PRDM10: variants seen among roughly 807,000 people sequenced by gnomAD.
The protein encoded by PRDM10 is PR domain zinc finger protein 10.
In PRDM10, 65 loss-of-function variants were observed where a neutral mutation model predicts 133.1. The observed-to-expected ratio is 0.49, with a 90% confidence interval of 0.40 to 0.60. The LOEUF (loss-of-function observed/expected upper bound fraction) is 0.60. Among genes scored for constraint, PRDM10 ranks in the 20% least tolerant of loss-of-function variants. PRDM10 has a pLI of 0.00. For missense variants in PRDM10, 1,137 were observed against 1,507.1 expected (o/e 0.75, Z 4.07); for synonymous variants, 582 against 580.4 (o/e 1.00, Z -0.04).
In PRDM10 at chr11:129,960,592, T is replaced by A. The variant is rs1951777661; in HGVS notation, c.69+304A>T. On this transcript the variant is annotated intron_variant, in intron 2 of 20. Coordinates refer to ENST00000360871, the MANE Select transcript of PRDM10 (RefSeq NM_199437.2). ...TATGGATAACGTAAAAGAAACAAAC[T>A]ATAGTTTGAGGTTTTCAGCAGCAAT... Among the ~76,000 whole-genome samples, 3 of 152,238 alleles carry A rather than the reference T, an allele frequency of 2.0e-5. No homozygotes were observed. In the South Asian group the frequency reaches 6.2e-4, roughly 32 times the overall value.
At chr11:129,917,403 G>A (rs1399460548) in intron 14 of PRDM10, among the ~76,000 whole-genome samples, 166 bp from the exon 15 acceptor site, 1 of 152,196 alleles carries the variant, frequency 6.6e-6, no homozygotes. Flanking sequence ...CCCATCTGAT[G>A]CCAAAGCACT....
chr11:130,002,598 C>A (rs957277659), intron 1 of PRDM10, 124 bp downstream of exon 1: 2 of 152,824 alleles, frequency 1.3e-5, no homozygotes, highest in African/African-American at 4.8e-5. Flanking sequence ...CGGCCGGGCT[C>A]TGAGACGCGG....
At chr11:129,930,954 G>A in intron 11 of PRDM10, 62 bp downstream of exon 11, 1 of 1,539,714 alleles carries the variant, frequency 6.5e-7, no homozygotes, top group South Asian at 1.3e-5. Flanking sequence ...AACCACCAGA[G>A]AGCTGGTGGT....
In PRDM10 at chr11:129,905,707, A is replaced by G. The variant is rs1266315431; in HGVS notation, c.3198T>C (p.Gly1066=). Reference sequence around the variant, plus strand: ...CACCACTGTCTGTAATCACAAACTGACCCGGAGGAAGCGTCATCATTTGAA... The same window carrying G: ...CACCACTGTCTGTAATCACAAACTGGCCCGGAGGAAGCGTCATCATTTGAA... ...SEIQMMTLPP[G]QFVITDSGVA... The change falls in exon 20 of 21, where the codon GGT becomes GGC. Residue 1066 remains glycine, a synonymous_variant. Transcript: ENST00000360871. 3.1e-6 allele frequency: 5 copies of G among 1,614,134 alleles called. No individual in the cohort carries two copies. The highest frequency in any genetic ancestry group is 3.4e-6 in the Non-Finnish European group (4 of 1,179,984).
rs1950579790 is a variant in PRDM10 at position 129,923,631 on chromosome 11, T to G, written c.1879-228A>C. Among the ~76,000 whole-genome samples the G allele has an allele frequency of 8.2e-6, 1 of 121,698 alleles. No homozygotes were observed. Among genetic ancestry groups the G allele is most frequent in the Non-Finnish European group, 1.6e-5 (1 of 63,200 alleles). The allele number at this position is 121,698 out of a possible 152,430, so 79.8% of individuals were successfully genotyped here. On this transcript the variant is annotated intron_variant, in intron 12 of 20. Transcript: ENST00000360871. This position sits in a 1 kb window ranked among gnomAD's most constrained non-coding sequence, Gnocchi z 4.4. ...GCCTTAGAAATCCGAACCTCCCCGA[T>G]GACTTGAAACGTGAGAGAGAGAGAG...
intron 1 of PRDM10, among the ~76,000 whole-genome samples, chr11:129,972,014 G>A (rs1952040062): frequency 6.6e-6 from 1 of 152,244 alleles, no homozygotes; most frequent in Non-Finnish European, 1.5e-5. Context: ...GAAATCGAGT[G>A]CAGCGCCAGT....
rs573823637 is a variant in PRDM10 at position 129,977,753 on chromosome 11, G to A, written c.-118-16671C>T. On this transcript the variant is annotated intron_variant, in intron 1 of 20. Coordinates refer to ENST00000360871, the MANE Select transcript of PRDM10 (RefSeq NM_199437.2). The stretch of plus-strand genomic sequence containing the variant: ...GTGGATGACTTGAGCCCAGGAGTTC[G>A]AAACCAGCCTGAACAACATGGGGAA... 4.6e-5 allele frequency among the ~76,000 whole-genome samples: 7 copies of A among 152,218 alleles called. No homozygotes were observed. In the East Asian group the frequency reaches 9.7e-4, roughly 21 times the overall value.
chr11:129,929,756 C>CTTTTAAAAAA (rs1950794589), intron 11 of PRDM10, among the ~76,000 whole-genome samples: 1 of 90,144 alleles, frequency 1.1e-5, no homozygotes, highest in Non-Finnish European at 2.5e-5. Flanking sequence ...TTTTTCCTTC[C>CTTTTAAAAAA]AAAAAAAAAA....
chr11:129,977,297 C>CAA (rs1555113162), intron 1 of PRDM10, among the ~76,000 whole-genome samples: 1 of 147,552 alleles, frequency 6.8e-6, no homozygotes, highest in Admixed American at 6.8e-5. Flanking sequence ...CACACACACA[C>CAA]ACATTGAGAT....
intron 1 of PRDM10, among the ~76,000 whole-genome samples, chr11:130,000,273 A>G (rs1939278824): frequency 6.6e-6 from 1 of 152,040 alleles, no homozygotes; most frequent in Non-Finnish European, 1.5e-5. Context: ...CGAACTCCTG[A>G]CCTCAGGTGA....
chr11:129,911,155 T>C (rs911664490), intron 18 of PRDM10, among the ~76,000 whole-genome samples: 1 of 152,194 alleles, frequency 6.6e-6, no homozygotes, highest in African/African-American at 2.4e-5. Context: ...AAATTCTAAT[T>C]TGCTTTCAAA....
chr11:130,000,404 C>A (rs1939286098), intron 1 of PRDM10, among the ~76,000 whole-genome samples: 1 of 152,122 alleles, frequency 6.6e-6, no homozygotes, highest in Admixed American at 6.6e-5. Context: ...AAAAACAAAA[C>A]AGGCAAGCAG....
chr11:129,906,176 G>C (rs1001354181), intron 19 of PRDM10, among the ~76,000 whole-genome samples: 10 of 152,094 alleles, frequency 6.6e-5, no homozygotes, highest in Admixed American at 5.2e-4. Flanking sequence ...TAAAAATAAA[G>C]CCCACCCTAG....
rs776605509 is a variant in PRDM10, at chr11:129,902,515, C to A, written c.3269G>T (p.Gly1090Val). 3.1e-6 allele frequency: 5 copies of A among 1,612,808 alleles called. No homozygotes were observed. The African/African-American group carries it at 6.7e-5, about 22-fold the overall frequency. ...TTGQVKAVTSGHYVLSESQSE... is the reference protein window; with the variant it reads ...TTGQVKAVTSVHYVLSESQSE... ...TTGACTTTCTGATAACACATAATGA[C>A]CCTAGAGGAAGAAGAAAAGGATCCT... The change falls in exon 21 of 21, where the codon GGT becomes GTT. Residue 1090 changes from glycine to valine, a missense_variant and splice_region_variant. By Grantham distance (109) the Gly-to-Val change is moderately radical. This residue lies in a region of PRDM10 where 243 missense variants were observed against 259.2 expected (regional missense o/e 0.94). Transcript: ENST00000360871.
chr11:129,917,001 A>G, intron 15 of PRDM10, 126 bp downstream of exon 15: 2 of 615,748 alleles, frequency 3.2e-6, no homozygotes, highest in Non-Finnish European at 5.4e-6. Context: ...AATGGAGACT[A>G]CTGAGAGACA....
chr11:129,901,428 C>T lies in PRDM10; in HGVS notation c.*885G>A, dbSNP rs1317072979. On this transcript the variant is annotated 3_prime_UTR_variant, in exon 21 of 21. Coordinates refer to ENST00000360871, the MANE Select transcript of PRDM10 (RefSeq NM_199437.2). ...ACCAATGAATGATAAATGGATCCTG[C>T]AAGGCAGAACAAAATTTCAATACTT... The T allele has an allele frequency of 2.0e-5, 3 of 152,402 alleles. No homozygotes were observed. Among genetic ancestry groups the T allele is most frequent in the African/African-American group, 7.2e-5 (3 of 41,422 alleles). The allele number at this position is 152,402 out of a possible 1,614,324, so 9.4% of individuals were successfully genotyped here. A position where few individuals can be genotyped will look rare whatever the true frequency, so the allele number is the denominator to read the frequency against.
In PRDM10 at chr11:129,900,887, T is replaced by G. The variant is rs914327390; in HGVS notation, c.*1426A>C. On this transcript the variant is annotated 3_prime_UTR_variant, in exon 21 of 21. Coordinates refer to ENST00000360871, the MANE Select transcript of PRDM10 (RefSeq NM_199437.2). ...ATCAATAAAGTTCTTTTAACAGAAT[T>G]GTTCACTTTTCAGAAAATTGTCTTT... The G allele has an allele frequency of 6.6e-6, 1 of 152,646 alleles. No homozygotes were observed. The highest frequency in any genetic ancestry group is 1.5e-5 in the Non-Finnish European group (1 of 68,040). 9.5% of individuals were successfully genotyped at this position (152,646 alleles called of 1,614,324 possible).
intron 4 of PRDM10, among the ~76,000 whole-genome samples, chr11:129,953,706 CA>C (rs1464493131): frequency 1.3e-5 from 2 of 150,170 alleles, no homozygotes; most frequent in South Asian, 2.1e-4. Flanking sequence ...TCCACTTTTA[CA>C]AAAAATTTGG....
At chr11:129,953,834 A>T (rs527662283) in intron 4 of PRDM10, among the ~76,000 whole-genome samples, 60 of 148,088 alleles carry the variant, frequency 4.1e-4, no homozygotes, top group Non-Finnish European at 7.6e-4. Flanking sequence ...AGCAAAAAAA[A>T]AAAAAAAAAA....
Sources: allele counts gnomAD v4.1 joint callset (sites outside exome capture counted in the v4.1 genomes callset), GRCh38; gene constraint gnomAD v4.1.1; regional missense constraint gnomAD v4.1.1; non-coding constraint Gnocchi (gnomAD v3.1); transcripts MANE v1.5; gene names NCBI Gene and HGNC (gene_info 2026-07-23, HGNC 2026-07-21).